The following SNTG2 variants were observed in gnomAD, a reference collection of about 807,000 sequenced individuals.
SNTG2 encodes the protein syntrophin gamma 2, also known as gamma-2-syntrophin.
Under a neutral mutation model 70.9 loss-of-function variants are expected in SNTG2, and 74 were observed. The ratio of observed to expected loss-of-function variants is 1.04; its 90% confidence interval spans 0.86 to 1.27. The LOEUF (loss-of-function observed/expected upper bound fraction) is 1.27. Ranked by LOEUF, SNTG2 falls within the 50% of genes most tolerant of loss-of-function variation. The pLI, the probability that SNTG2 is intolerant of heterozygous loss-of-function variation, is 0.00. For missense variants in SNTG2, 717 were observed against 690.7 expected, an observed-to-expected ratio of 1.04 and a Z score of -0.43; for synonymous variants, 278 against 273.8, an observed-to-expected ratio of 1.02 and a Z score of -0.15.
intron 1 of SNTG2, among the ~76,000 whole-genome samples, chr2:952,036 T>C (rs1488672098): frequency 6.6e-6 from 1 of 152,184 alleles, no homozygotes; most frequent in Non-Finnish European, 1.5e-5. Context: ...GTCGCTACTG[T>C]GATGTTAAAA....
chr2:1,033,609 C>G (rs1660965653), intron 1 of SNTG2, among the ~76,000 whole-genome samples: 1 of 152,206 alleles, frequency 6.6e-6, no homozygotes, highest in African/African-American at 2.4e-5. Flanking sequence ...CACTGCTAGC[C>G]TTTGATCAAC....
At chr2:1,099,303 C>T (rs1382827464) in intron 4 of SNTG2, among the ~76,000 whole-genome samples, 22 of 152,214 alleles carry the variant, frequency 1.4e-4, no homozygotes, top group Admixed American at 1.1e-3. Context: ...AGTGGGCAAG[C>T]GGGTGGCCTT....
rs563295275 is a variant in SNTG2, at chr2:1,157,580, G to C, written c.412-7968G>C. Among the ~76,000 whole-genome samples the C allele has an allele frequency of 2.6e-5, 4 of 152,334 alleles. No individual in the cohort carries two copies. In the South Asian group the frequency reaches 8.3e-4, roughly 32 times the overall value. On this transcript the variant is annotated intron_variant, in intron 6 of 16. Transcript: ENST00000308624. The stretch of plus-strand genomic sequence containing the variant: ...AGAGACTGGGTTTCAATGTTGAAAG[G>C]ATACTGGCAACTAGAATGCAAGCTC...
At chr2:1,026,213 G>T (rs530406875) in intron 1 of SNTG2, among the ~76,000 whole-genome samples, 1 of 152,138 alleles carries the variant, frequency 6.6e-6, no homozygotes, top group East Asian at 1.9e-4. Context: ...ATGCAGACAC[G>T]TGTCTTTTAA....
chr2:961,485 C>G (rs928997283), intron 1 of SNTG2, among the ~76,000 whole-genome samples: 1 of 152,168 alleles, frequency 6.6e-6, no homozygotes, highest in African/African-American at 2.4e-5. Context: ...GTTAACACAC[C>G]ACGGTGTGCC....
intron 1 of SNTG2, among the ~76,000 whole-genome samples, chr2:1,020,748 A>C (rs1184579106): frequency 6.6e-6 from 1 of 152,198 alleles, no homozygotes; most frequent in Non-Finnish European, 1.5e-5. Flanking sequence ...TGTCTGCCAC[A>C]TCAGGAAGTC....
rs752171308 is a variant in SNTG2 at position 1,259,703 on chromosome 2, C to A, written c.1077+262C>A. Among the ~76,000 whole-genome samples the A allele has an allele frequency of 2.0e-5, 3 of 152,274 alleles. No individual in the cohort carries two copies. The East Asian group carries it at 5.8e-4, about 29-fold the overall frequency. ...GTATGTGGTGTTTGTGTGTGTTTTA[C>A]GGGAGAGATGTGTTTTATGACATCC... On this transcript the variant is annotated intron_variant, in intron 13 of 16. Transcript: ENST00000308624.
At chr2:1,313,974 A>G (rs1681143290) in intron 15 of SNTG2, among the ~76,000 whole-genome samples, 1 of 152,210 alleles carries the variant, frequency 6.6e-6, no homozygotes, top group African/African-American at 2.4e-5. Context: ...CATAAAGACA[A>G]TAATCATATA....
chr2:1,269,352 C>T (rs1354172284), intron 14 of SNTG2, among the ~76,000 whole-genome samples: 1 of 151,940 alleles, frequency 6.6e-6, no homozygotes, highest in African/African-American at 2.4e-5. Flanking sequence ...CCCATCTCTG[C>T]AAAAAATAAT....
At chr2:1,025,286 G>C (rs1660414086) in intron 1 of SNTG2, among the ~76,000 whole-genome samples, 1 of 152,142 alleles carries the variant, frequency 6.6e-6, no homozygotes, top group Non-Finnish European at 1.5e-5. Context: ...GCACAGGACG[G>C]GGTGAGGGTG....
intron 16 of SNTG2, among the ~76,000 whole-genome samples, chr2:1,324,401 G>A (rs1681677613): frequency 6.6e-6 from 1 of 152,106 alleles, no homozygotes; most frequent in Non-Finnish European, 1.5e-5. Flanking sequence ...TTGAAGAGTA[G>A]AAATATAGTG....
At position 1,222,139 on chromosome 2, in the gene SNTG2, C is replaced by CTCTCTGTCTCTCTCTG. The variant is rs1675248936; in HGVS notation, c.719+12920_719+12921insCTCTGTCTCTGTCTCT. Among the ~76,000 whole-genome samples, 71 of 116,112 alleles carry CTCTCTGTCTCTCTCTG rather than the reference C, an allele frequency of 6.1e-4. 6 individuals are homozygous for CTCTCTGTCTCTCTCTG. Among genetic ancestry groups the CTCTCTGTCTCTCTCTG allele is most frequent in the East Asian group, 2.0e-3 (6 of 2,956 alleles). 76.2% of individuals were successfully genotyped at this position (116,112 alleles called of 152,430 possible). On this transcript the variant is annotated intron_variant, in intron 9 of 16. Transcript: ENST00000308624. ...TGTCTCTCTCTGTCTCTCTCTGTCT[C>CTCTCTGTCTCTCTCTG]TCTCTGTCTCTGCCTATCTCTGTCT...
chr2:959,283 A>G (rs1660273833), intron 1 of SNTG2, among the ~76,000 whole-genome samples: 3 of 152,188 alleles, frequency 2.0e-5, no homozygotes, highest in Admixed American at 2.0e-4. Flanking sequence ...TGGGATGTAA[A>G]TATTCTTTTA....
intron 9 of SNTG2, among the ~76,000 whole-genome samples, chr2:1,227,214 A>G (rs1234877081): frequency 6.6e-6 from 1 of 152,272 alleles, no homozygotes; most frequent in Non-Finnish European, 1.5e-5. Context: ...CAAACATACA[A>G]AATCTCTTCC....
rs191634039 is a variant in SNTG2 at position 1,215,446 on chromosome 2, T to C, written c.719+6216T>C. ...GATCTCCTTACCTGTTATTAGTTTA[T>C]TTAGATGATCTGTTTCCTCTTAATT... On this transcript the variant is annotated intron_variant, in intron 9 of 16. Transcript: ENST00000308624. Among the ~76,000 whole-genome samples the C allele has an allele frequency of 6.6e-5, 10 of 152,352 alleles. No homozygotes were observed. In the East Asian group the frequency reaches 9.6e-4, roughly 15 times the overall value.
intron 1 of SNTG2, among the ~76,000 whole-genome samples, chr2:1,005,494 G>T (rs757576014): frequency 6.6e-6 from 1 of 151,882 alleles, no homozygotes; most frequent in Non-Finnish European, 1.5e-5. Flanking sequence ...CTCTAAGAAT[G>T]AAATCTATTT....
At chr2:1,152,574 G>GCGTGTGTGTGTGCA (rs1558461768) in intron 6 of SNTG2, among the ~76,000 whole-genome samples, 1 of 38,296 alleles carries the variant, frequency 2.6e-5, no homozygotes, top group Non-Finnish European at 1.4e-4. Context: ...GTGCACATGT[G>GCGTGTGTGTGTGCA]CATGTGTGTG....
At chr2:1,076,953 A>G (rs1233781266) in intron 1 of SNTG2, among the ~76,000 whole-genome samples, 1 of 152,180 alleles carries the variant, frequency 6.6e-6, no homozygotes, top group Non-Finnish European at 1.5e-5. Flanking sequence ...TACATGCTAT[A>G]TTTACATGTA....
At chr2:1,352,905 G>A (rs945516007) in intron 16 of SNTG2, among the ~76,000 whole-genome samples, 6 of 152,102 alleles carry the variant, frequency 3.9e-5, no homozygotes, top group African/African-American at 1.4e-4. Context: ...AATGTCTGCT[G>A]GGTATTGATG....
Sources: allele counts gnomAD v4.1 joint callset (sites outside exome capture counted in the v4.1 genomes callset), GRCh38; gene constraint gnomAD v4.1.1; transcripts MANE v1.5; gene names NCBI Gene and HGNC (gene_info 2026-07-23, HGNC 2026-07-21).